LEKR1: variants seen among roughly 807,000 people sequenced by gnomAD.
LEKR1 encodes the protein protein LEKR1.
LEKR1 carries 59 observed loss-of-function variants against 72.4 expected under a neutral mutation model. The ratio of observed to expected loss-of-function variants is 0.82; its 90% CI spans 0.66 to 1.01. The LOEUF (loss-of-function observed/expected upper bound fraction) is 1.01, where lower values mean the gene tolerates loss of function less well. Among genes scored for constraint, LEKR1 ranks in the 50% least tolerant of loss-of-function variants. The probability of loss-of-function intolerance (pLI) is 0.00; values close to 1 mark genes in which losing one functional copy is unlikely to be tolerated. For missense variants in LEKR1, 728 were observed against 759.2 expected, an observed-to-expected ratio of 0.96 and a Z score of 0.48; for synonymous variants, 257 against 263.2, an observed-to-expected ratio of 0.98 and a Z score of 0.23.
At chr3:157,006,854 A>G (rs896745895) in intron 9 of LEKR1, among the ~76,000 whole-genome samples, 9 of 123,890 alleles carry the variant, frequency 7.3e-5, no homozygotes, top group Non-Finnish European at 1.5e-4. Flanking sequence ...ACGAATCTAT[A>G]GTGACAGAAA....
rs1356252767 is a variant in LEKR1 at position 156,943,671 on chromosome 3, G to C, written c.745+957G>C. 2.0e-5 allele frequency among the ~76,000 whole-genome samples: 3 copies of C among 151,790 alleles called. No homozygotes were observed. In the East Asian group the frequency reaches 5.8e-4, roughly 29 times the overall value. ...GGTTGAGGTGACTACCTAAGACCAG[G>C]GAGATGAACATCTGTCTGAGTAAAC... On this transcript the variant is annotated intron_variant, in intron 6 of 12. Transcript: ENST00000356539.
intron 2 of LEKR1, among the ~76,000 whole-genome samples, chr3:156,834,034 G>C (rs1016907267): frequency 4.7e-4 from 72 of 151,762 alleles, no homozygotes; most frequent in African/African-American, 1.6e-3. Flanking sequence ...TTAATGTTAG[G>C]CCCAATTTTT....
At chr3:156,939,795 A>G (rs1030943046) in intron 5 of LEKR1, among the ~76,000 whole-genome samples, 1 of 152,192 alleles carries the variant, frequency 6.6e-6, no homozygotes, top group African/African-American at 2.4e-5. Context: ...TATTTTTACC[A>G]AGGAAAAATA....
At chr3:157,015,729 A>G (rs1733257588) in intron 10 of LEKR1, among the ~76,000 whole-genome samples, 1 of 152,170 alleles carries the variant, frequency 6.6e-6, no homozygotes, top group African/African-American at 2.4e-5. Context: ...GAAAAGAAAA[A>G]TCAATAAATA....
At chr3:157,040,463 C>T (rs1735267152) in intron 12 of LEKR1, among the ~76,000 whole-genome samples, 1 of 152,198 alleles carries the variant, frequency 6.6e-6, no homozygotes, top group Non-Finnish European at 1.5e-5. Flanking sequence ...TCCTGGAAAT[C>T]TTTTCAGATT....
intron 3 of LEKR1, among the ~76,000 whole-genome samples, chr3:156,902,805 A>G (rs1229208121): frequency 1.3e-5 from 2 of 152,078 alleles, no homozygotes; most frequent in Non-Finnish European, 2.9e-5. Context: ...CTTATATTAT[A>G]AAAGCTTTCA....
intron 3 of LEKR1, among the ~76,000 whole-genome samples, chr3:156,858,201 A>T (rs765596789): frequency 6.6e-6 from 1 of 152,082 alleles, no homozygotes; most frequent in Non-Finnish European, 1.5e-5. Context: ...TTATGACTCC[A>T]TTTCTCTTTC....
intron 3 of LEKR1, among the ~76,000 whole-genome samples, chr3:156,908,258 C>T (rs562025497): frequency 1.3e-4 from 20 of 152,070 alleles, no homozygotes; most frequent in African/African-American, 2.7e-4. Context: ...TGAGACTCTC[C>T]GAATATTCAG....
At position 156,970,163 on chromosome 3, in the gene LEKR1, T is replaced by C. The variant is rs536688876; in HGVS notation, c.746-9031T>C. 1.6e-4 allele frequency among the ~76,000 whole-genome samples: 24 copies of C among 152,296 alleles called. 2 individuals are homozygous for C. The South Asian group carries it at 5.0e-3, about 32-fold the overall frequency. ...ATCTATGACAAACCCACAGCCAATATCATGCTGAATGGGCAAAAACTGGAA... is the reference window on the plus strand; with the variant it reads ...ATCTATGACAAACCCACAGCCAATACCATGCTGAATGGGCAAAAACTGGAA... On this transcript the variant is annotated intron_variant, in intron 6 of 12. Coordinates refer to ENST00000356539, the MANE Select transcript of LEKR1 (RefSeq NM_001004316.3).
intron 3 of LEKR1, among the ~76,000 whole-genome samples, chr3:156,860,747 C>G (rs1342680820): frequency 6.6e-6 from 1 of 152,096 alleles, no homozygotes; most frequent in Non-Finnish European, 1.5e-5. Flanking sequence ...TAGTAAGTGG[C>G]TTAAATGGAC....
At position 156,875,822 on chromosome 3, in the gene LEKR1, C is replaced by T. The variant is rs746430661; in HGVS notation, c.263+22840C>T. On this transcript the variant is annotated intron_variant, in intron 3 of 12. Transcript: ENST00000356539. ...CATCCTCGCTAACATGGTGAAACCCCGTCTCTACTAAAAATACAAAAAATT... is the reference window on the plus strand; with the variant it reads ...CATCCTCGCTAACATGGTGAAACCCTGTCTCTACTAAAAATACAAAAAATT... 9.2e-5 allele frequency among the ~76,000 whole-genome samples: 14 copies of T among 151,646 alleles called. No individual in the cohort carries two copies. In the East Asian group the frequency reaches 1.7e-3, roughly 19 times the overall value.
intron 10 of LEKR1, among the ~76,000 whole-genome samples, chr3:157,023,749 A>G (rs1734001673): frequency 6.6e-6 from 1 of 152,126 alleles, no homozygotes. Flanking sequence ...ATCTGCATCT[A>G]GAGTTCTTGC....
At chr3:157,032,809 T>TG (rs781199208) in intron 12 of LEKR1, among the ~76,000 whole-genome samples, 11 of 91,456 alleles carry the variant, frequency 1.2e-4, no homozygotes, top group South Asian at 6.2e-4. Context: ...ACAGATACTG[T>TG]GGTTTTTTTT....
At chr3:156,888,162 A>G (rs964449569) in intron 3 of LEKR1, 13 of 605,994 alleles carry the variant, frequency 2.1e-5, no homozygotes, top group African/African-American at 2.0e-4. Context: ...CAAAGAAGGT[A>G]GCAGAGTAGG....
chr3:156,906,306 C>T (rs145010908), intron 3 of LEKR1, among the ~76,000 whole-genome samples: 20 of 152,310 alleles, frequency 1.3e-4, no homozygotes, highest in Non-Finnish European at 2.6e-4. Context: ...CAGTGATTCT[C>T]ACATTATCCA....
intron 12 of LEKR1, among the ~76,000 whole-genome samples, chr3:157,043,065 G>A (rs907825753): frequency 1.2e-4 from 18 of 152,170 alleles, no homozygotes; most frequent in African/African-American, 4.3e-4. Flanking sequence ...ATGAGATCTG[G>A]TTGTTTAAAG....
At chr3:156,893,650 C>T (rs1321921770) in intron 3 of LEKR1, among the ~76,000 whole-genome samples, 1 of 152,194 alleles carries the variant, frequency 6.6e-6, no homozygotes, top group East Asian at 1.9e-4. Context: ...CCTGCTCCCC[C>T]TTTGCTTTCG....
intron 3 of LEKR1, among the ~76,000 whole-genome samples, chr3:156,882,961 A>G (rs912634185): frequency 4.6e-5 from 7 of 151,530 alleles, no homozygotes; most frequent in African/African-American, 1.7e-4. Flanking sequence ...ATGAGAACAC[A>G]TGGACACAGG....
Position 156,904,654 on chromosome 3 carries a change from G to A in LEKR1, c.264-15921G>A, listed in dbSNP as rs947178946. Among the ~76,000 whole-genome samples the A allele has an allele frequency of 8.4e-5, 12 of 143,402 alleles. No homozygotes were observed. In the East Asian group the frequency reaches 1.6e-3, roughly 19 times the overall value. 94.1% of individuals were successfully genotyped at this position (143,402 alleles called of 152,430 possible). Reference sequence around the variant, plus strand: ...TATATATGACAGGATCTATCATATAGCAAATATATATATATATATATATTT... The same window carrying A: ...TATATATGACAGGATCTATCATATAACAAATATATATATATATATATATTT... On this transcript the variant is annotated intron_variant, in intron 3 of 12. Transcript: ENST00000356539.
Sources: allele counts gnomAD v4.1 joint callset (sites outside exome capture counted in the v4.1 genomes callset), GRCh38; gene constraint gnomAD v4.1.1; transcripts MANE v1.5; gene names NCBI Gene and HGNC (gene_info 2026-07-23, HGNC 2026-07-21).